Variants in HNRNPA2B1 observed in about 807,000 individuals in gnomAD.
The protein encoded by HNRNPA2B1 is heterogeneous nuclear ribonucleoprotein A2/B1.
A neutral mutation model predicts 46.3 loss-of-function variants in HNRNPA2B1; 3 were observed. The observed-to-expected ratio is 0.06, with a 90% CI of 0.03 to 0.17. HNRNPA2B1 has a LOEUF of 0.17. HNRNPA2B1 is among the 10% of genes least tolerant of loss of function. The pLI is 1.00. For missense variants in HNRNPA2B1, 221 were observed against 418.9 expected, an observed-to-expected ratio of 0.53 and a Z score of 4.12; for synonymous variants, 225 against 133.8, an observed-to-expected ratio of 1.68 and a Z score of -4.70.
At position 26,192,513 on chromosome 7, in the gene HNRNPA2B1, A is replaced by C; in HGVS notation, c.*3T>G. The stretch of plus-strand genomic sequence containing the variant: ...TACTTACCCATGGCAAATAGGAAGA[A>C]GCTCAGTATCGGCTCCTCCCACCAT... On this transcript the variant is annotated 3_prime_UTR_variant, in exon 10 of 11. Coordinates refer to ENST00000618183, the MANE Select transcript of HNRNPA2B1 (RefSeq NM_002137.4). 1 of 1,612,174 alleles carries C rather than the reference A, an allele frequency of 6.2e-7. No homozygotes were observed. The highest frequency in any genetic ancestry group is 2.2e-5 in the East Asian group (1 of 44,864).
chr7:26,195,634 A>T (rs1352368128), intron 7 of HNRNPA2B1: 8 of 540,918 alleles, frequency 1.5e-5, no homozygotes, highest in Non-Finnish European at 2.6e-5. Context: ...TCTGATGGTT[A>T]TCTTTACATT....
rs1406385735 is a variant in HNRNPA2B1, at chr7:26,197,351, C to G, written c.228G>C (p.Gly76=). ...CAGCACGTTTTGGCTCAACTACTCTCCCATCAATTGAATGAGGTCTTGCAG... is the reference window on the plus strand; with the variant it reads ...CAGCACGTTTTGGCTCAACTACTCTGCCATCAATTGAATGAGGTCTTGCAG... The part of the protein sequence containing the change: ...AMAARPHSID[G]RVVEPKRAVA... The change falls in exon 3 of 11, where the codon GGG becomes GGC. Residue 76 remains glycine, a synonymous_variant. Transcript: ENST00000618183. 6.2e-7 allele frequency: 1 copy of G among 1,613,744 alleles called. No individual in the cohort carries two copies. The highest frequency in any genetic ancestry group is 1.7e-5 in the Admixed American group (1 of 59,950).
intron 1 of HNRNPA2B1, chr7:26,199,528 A>G (rs1784102080): frequency 6.6e-6 from 1 of 152,210 alleles, no homozygotes; most frequent in Non-Finnish European, 1.5e-5. Flanking sequence ...TCTGTCCCGT[A>G]AGGGTTAAAC....
At chr7:26,197,782 A>T in intron 1 of HNRNPA2B1, 50 bp from the exon 2 acceptor site, 1 of 1,598,168 alleles carries the variant, frequency 6.3e-7, no homozygotes, top group Non-Finnish European at 8.6e-7. Context: ...TCCTCTTTGT[A>T]TGCAGGAAAT....
At chr7:26,194,159 G>A (rs1035591084) in intron 7 of HNRNPA2B1, among the ~76,000 whole-genome samples, 14 of 152,296 alleles carry the variant, frequency 9.2e-5, no homozygotes, top group African/African-American at 3.4e-4. Context: ...ACTTTGGGAA[G>A]GCCGAGGCGG....
intron 1 of HNRNPA2B1, chr7:26,198,968 TAAAG>T (rs1554335385): frequency 5.9e-5 from 9 of 152,162 alleles, no homozygotes; most frequent in Non-Finnish European, 1.3e-4. Flanking sequence ...TCGTAAAAAT[TAAAG>T]AAAAAATTAA....
chr7:26,192,450 T>C (rs1471987323), intron 10 of HNRNPA2B1, 45 bp downstream of exon 10: 2 of 1,299,328 alleles, frequency 1.5e-6, no homozygotes, highest in Non-Finnish European at 2.2e-6. Context: ...CCTGCAGCTA[T>C]GTCTCCCAAG....
Position 26,196,335 on chromosome 7 carries a change from G to A in HNRNPA2B1, c.658+66C>T, listed in dbSNP as rs575297649. 10 of 1,316,638 alleles carry A rather than the reference G, an allele frequency of 7.6e-6. No homozygotes were observed. In the African/African-American group the frequency reaches 1.2e-4, roughly 16 times the overall value. 81.6% of individuals were successfully genotyped at this position (1,316,638 alleles called of 1,614,324 possible). A position where few individuals can be genotyped will look rare whatever the true frequency, so the allele number is the denominator to read the frequency against. ...GGTTGGATTTCTTGATTCTACTAATGAAAACCTAATCATATTTAAAATAAA... is the reference window on the plus strand; with the variant it reads ...GGTTGGATTTCTTGATTCTACTAATAAAAACCTAATCATATTTAAAATAAA... On this transcript the variant is annotated intron_variant, in intron 6 of 10. Transcript: ENST00000618183.
chr7:26,193,161 A>G, intron 9 of HNRNPA2B1, 90 bp downstream of exon 9: 1 of 1,303,888 alleles, frequency 7.7e-7, no homozygotes, highest in African/African-American at 1.5e-5. Flanking sequence ...CCACAGTACA[A>G]ACTACTTAGT....
intron 1 of HNRNPA2B1, chr7:26,200,367 T>TG (rs1784283513): frequency 1.6e-6 from 1 of 634,740 alleles, no homozygotes; most frequent in African/African-American, 1.8e-5. Flanking sequence ...TGAAGGGAAA[T>TG]GGCGCCGGGA....
chr7:26,196,097 C>G (rs966656596), intron 6 of HNRNPA2B1, among the ~76,000 whole-genome samples, 188 bp from the exon 7 acceptor site: 2 of 152,216 alleles, frequency 1.3e-5, no homozygotes, highest in African/African-American at 2.4e-5. Flanking sequence ...ATTTTGGACT[C>G]TTAACAAGTC....
In HNRNPA2B1 at chr7:26,200,716, C is replaced by A. The variant is rs1784341041; in HGVS notation, c.-139G>T. On this transcript the variant is annotated 5_prime_UTR_variant, in exon 1 of 11. Coordinates refer to ENST00000618183, the MANE Select transcript of HNRNPA2B1 (RefSeq NM_002137.4). ...TCGAGAAACAACTCTGCGAGGAGCA[C>A]CTCCGCACGGGACCCGGCGCTGCTG... 1.8e-6 allele frequency: 2 copies of A among 1,081,730 alleles called. No homozygotes were observed. Among genetic ancestry groups the A allele is most frequent in the Non-Finnish European group, 2.8e-6 (2 of 708,150 alleles). The allele number at this position is 1,081,730 out of a possible 1,614,324, so 67.0% of individuals were successfully genotyped here.
chr7:26,193,569 T>C lies in HNRNPA2B1; in HGVS notation c.841+6A>G, dbSNP rs144309126. The C allele has an allele frequency of 1.0e-3, 1,643 of 1,578,182 alleles. 16 individuals are homozygous for C. The African/African-American group carries it at 0.019, about 19-fold the overall frequency. On this transcript the variant is annotated splice_donor_region_variant and intron_variant, in intron 8 of 10. Coordinates refer to ENST00000618183, the MANE Select transcript of HNRNPA2B1 (RefSeq NM_002137.4). ...CCCACATAAAGGTTGCAGGTGAATT[T>C]ATTACCTCCTCCATAGTTGTCATAA...
chr7:26,199,034 G>T (rs111369468), intron 1 of HNRNPA2B1: 3 of 152,126 alleles, frequency 2.0e-5, no homozygotes, highest in African/African-American at 7.2e-5. Flanking sequence ...TTTTGAAATG[G>T]TTACTTGTCA....
intron 1 of HNRNPA2B1, chr7:26,198,236 C>T (rs1056908659): frequency 1.8e-5 from 3 of 165,010 alleles, no homozygotes; most frequent in Non-Finnish European, 2.6e-5. Context: ...ATTTATTTTC[C>T]CTTAACTGCC....
intron 1 of HNRNPA2B1, chr7:26,200,291 G>A (rs1372839277): frequency 2.0e-6 from 1 of 499,326 alleles, no homozygotes; most frequent in Non-Finnish European, 3.6e-6. Flanking sequence ...TCCCGCCTCC[G>A]CGCCCCACTT....
chr7:26,193,867 G>A (rs548947084), intron 7 of HNRNPA2B1, among the ~76,000 whole-genome samples, 173 bp from the exon 8 acceptor site: 4 of 152,200 alleles, frequency 2.6e-5, no homozygotes, highest in Non-Finnish European at 5.9e-5. Context: ...TGGTGGCTGG[G>A]GTTACTCAGC....
At chr7:26,196,339 A>G (rs1279293203) in intron 6 of HNRNPA2B1, 62 bp downstream of exon 6, 3 of 1,342,282 alleles carry the variant, frequency 2.2e-6, no homozygotes, top group African/African-American at 1.5e-5. Flanking sequence ...ACTAATGAAA[A>G]CCTAATCATA....
intron 1 of HNRNPA2B1, 45 bp from the exon 2 acceptor site, chr7:26,197,777 T>C (rs747270272): frequency 6.3e-6 from 10 of 1,597,406 alleles, no homozygotes; most frequent in Non-Finnish European, 8.6e-6. Context: ...CATTTTCCTC[T>C]TTGTATGCAG....
Sources: gnomAD v4.1 joint callset for allele counts (sites outside exome capture counted in the v4.1 genomes callset) on GRCh38, gnomAD v4.1.1 for gene constraint, MANE v1.5 for transcripts, NCBI Gene and HGNC (gene_info 2026-07-23, HGNC 2026-07-21) for gene names.